CNTN4: variants seen among roughly 807,000 people sequenced by gnomAD.
The protein encoded by CNTN4 is contactin-4.
CNTN4 carries 77 observed loss-of-function variants against 122.5 expected under a neutral mutation model. That is an observed-to-expected ratio of 0.63 (90% CI 0.52 to 0.76). The LOEUF (loss-of-function observed/expected upper bound fraction) is 0.76. Among genes scored for constraint, CNTN4 ranks in the 30% least tolerant of loss-of-function variants. The probability of loss-of-function intolerance (pLI) is 0.00; values close to 1 mark genes in which losing one functional copy is unlikely to be tolerated. For missense variants in CNTN4, 1,256 were observed against 1,259.1 expected, an observed-to-expected ratio of 1.00 and a Z score of 0.04; for synonymous variants, 512 against 447.0, an observed-to-expected ratio of 1.15 and a Z score of -1.83.
intron 6 of CNTN4, among the ~76,000 whole-genome samples, chr3:2,748,771 C>T (rs149015813): frequency 2.0e-5 from 3 of 152,190 alleles, no homozygotes; most frequent in African/African-American, 7.2e-5. Flanking sequence ...TTTCCTTAAC[C>T]ATTTATCCTA....
intron 13 of CNTN4, among the ~76,000 whole-genome samples, chr3:2,984,533 ACT>A (rs538179073): frequency 4.6e-5 from 7 of 152,104 alleles, no homozygotes; most frequent in Admixed American, 2.0e-4. Context: ...AGGTTGGGAA[ACT>A]CTGTCTCAGA....
intron 2 of CNTN4, among the ~76,000 whole-genome samples, chr3:2,300,315 A>G (rs2042457183): frequency 6.6e-6 from 1 of 152,170 alleles, no homozygotes; most frequent in Admixed American, 6.5e-5. Context: ...CATTTGCATA[A>G]TGTCCTGAAA....
At chr3:3,055,945 A>C (rs957922991) in intron 24 of CNTN4, among the ~76,000 whole-genome samples, 175 bp from the exon 25 acceptor site, 2 of 152,152 alleles carry the variant, frequency 1.3e-5, no homozygotes, top group African/African-American at 4.8e-5. Flanking sequence ...CCTATACCCT[A>C]CTCCCAGGTT....
chr3:2,351,725 C>G (rs1275708621), intron 3 of CNTN4, among the ~76,000 whole-genome samples: 1 of 150,046 alleles, frequency 6.7e-6, no homozygotes, highest in African/African-American at 2.5e-5. Context: ...CTCCAGAAAG[C>G]AAACCATAGA....
At chr3:2,723,463 G>A (rs950783172) in intron 4 of CNTN4, among the ~76,000 whole-genome samples, 4 of 152,110 alleles carry the variant, frequency 2.6e-5, no homozygotes, top group Non-Finnish European at 4.4e-5. Context: ...TCAAAGTACC[G>A]GCAGGTTTGG....
chr3:2,634,547 AG>A (rs1164895713), intron 4 of CNTN4, among the ~76,000 whole-genome samples: 2 of 151,958 alleles, frequency 1.3e-5, no homozygotes, highest in Non-Finnish European at 2.9e-5. Flanking sequence ...GAAAAATTCT[AG>A]GGCCGGGCAC....
At chr3:2,845,284 T>A (rs1444803414) in intron 7 of CNTN4, among the ~76,000 whole-genome samples, 1 of 151,860 alleles carries the variant, frequency 6.6e-6, no homozygotes, top group Admixed American at 6.6e-5. Flanking sequence ...TAAATGAGAG[T>A]TGTCAATGCA....
At chr3:2,320,471 C>T (rs1484072204) in intron 2 of CNTN4, among the ~76,000 whole-genome samples, 2 of 152,118 alleles carry the variant, frequency 1.3e-5, no homozygotes, top group African/African-American at 4.8e-5. Flanking sequence ...CCTCAGCGTC[C>T]CACCTTAACA....
In CNTN4 at chr3:2,902,914, A is replaced by G. The variant is rs758531661; in HGVS notation, c.1116A>G (p.Thr372=). The change falls in exon 12 of 25, where the codon ACA becomes ACG. Residue 372 remains threonine (T), a synonymous_variant. Coordinates refer to ENST00000418658, the MANE Select transcript of CNTN4 (RefSeq NM_175607.3). ...IQIEQGTLNI[T]IVNLSDAGMY... ...TTGAGCAAGGAACACTCAACATAAC[A>G]ATAGTGAACCTCTCAGATGCTGGCA... 1.2e-6 allele frequency: 2 copies of G among 1,613,834 alleles called. No individual in the cohort carries two copies. The highest frequency in any genetic ancestry group is 1.3e-5 in the African/African-American group (1 of 75,054).
chr3:2,680,208 C>T (rs2085093128), intron 4 of CNTN4, among the ~76,000 whole-genome samples: 1 of 152,080 alleles, frequency 6.6e-6, no homozygotes, highest in South Asian at 2.1e-4. Context: ...TACATGAACC[C>T]ATCTCTGTGA....
chr3:2,669,456 A>G (rs1405024730), intron 4 of CNTN4, among the ~76,000 whole-genome samples: 2 of 151,930 alleles, frequency 1.3e-5, no homozygotes, highest in African/African-American at 2.4e-5. Context: ...GTCATTTTTT[A>G]TTGCATCTAT....
chr3:2,143,872 A>G (rs536153603), intron 2 of CNTN4, among the ~76,000 whole-genome samples: 1 of 152,314 alleles, frequency 6.6e-6, no homozygotes, highest in Non-Finnish European at 1.5e-5. Context: ...TCCATGACTA[A>G]TTTTAATGGC....
intron 13 of CNTN4, among the ~76,000 whole-genome samples, chr3:2,939,119 C>T (rs1417556307): frequency 6.6e-6 from 1 of 152,152 alleles, no homozygotes; most frequent in Non-Finnish European, 1.5e-5. Flanking sequence ...CCCTATATTT[C>T]CATTATAGAG....
At chr3:2,544,451 T>C (rs1438205345) in intron 3 of CNTN4, among the ~76,000 whole-genome samples, 1 of 152,178 alleles carries the variant, frequency 6.6e-6, no homozygotes, top group Non-Finnish European at 1.5e-5. Context: ...CTTTAAAGTA[T>C]GCTGTGCTAG....
In CNTN4 at chr3:2,218,760, A is replaced by C. The variant is rs143328839; in HGVS notation, c.-145+118121A>C. Among the ~76,000 whole-genome samples the C allele has an allele frequency of 1.8e-3, 271 of 152,336 alleles. 1 individual carries two copies. Among genetic ancestry groups the C allele is most frequent in the African/African-American group, 6.4e-3 (267 of 41,574 alleles). ...AAAGAAGGATTGATTCCAGCCTACA[A>C]TTCTACTCCCTAGAATTTTTCTATC... On this transcript the variant is annotated intron_variant, in intron 2 of 24. Coordinates refer to ENST00000418658, the MANE Select transcript of CNTN4 (RefSeq NM_175607.3).
At chr3:2,763,372 C>G (rs777848346) in intron 6 of CNTN4, among the ~76,000 whole-genome samples, 4 of 152,128 alleles carry the variant, frequency 2.6e-5, no homozygotes, top group Non-Finnish European at 5.9e-5. Flanking sequence ...CTTATAGATG[C>G]TAGATATTAG....
intron 4 of CNTN4, among the ~76,000 whole-genome samples, chr3:2,693,732 G>A (rs964366622): frequency 2.6e-5 from 4 of 152,086 alleles, no homozygotes; most frequent in African/African-American, 9.7e-5. Flanking sequence ...CTAGTGTTTG[G>A]GAGAATTTAT....
At chr3:2,532,789 T>C (rs116611499) in intron 3 of CNTN4, among the ~76,000 whole-genome samples, 3 of 152,178 alleles carry the variant, frequency 2.0e-5, no homozygotes, top group Non-Finnish European at 4.4e-5. Context: ...AATAAGATTA[T>C]ATTTTGATAG....
intron 2 of CNTN4, among the ~76,000 whole-genome samples, chr3:2,308,750 G>A (rs1012274821): frequency 3.3e-5 from 5 of 151,842 alleles, no homozygotes; most frequent in East Asian, 1.9e-4. Flanking sequence ...GTCAGAGAAC[G>A]TTTTATGATT....
Sources: allele counts gnomAD v4.1 joint callset (sites outside exome capture counted in the v4.1 genomes callset), GRCh38; gene constraint gnomAD v4.1.1; transcripts MANE v1.5; gene names NCBI Gene and HGNC (gene_info 2026-07-23, HGNC 2026-07-21).